CIT: variants seen among roughly 807,000 people sequenced by gnomAD.
CIT encodes the protein citron rho-interacting serine/threonine kinase, also known as citron Rho-interacting kinase.
A neutral mutation model predicts 272.7 loss-of-function variants in CIT; 79 were observed. The ratio of observed to expected loss-of-function variants is 0.29; its 90% CI spans 0.24 to 0.35. CIT has a LOEUF of 0.35. Ranked by LOEUF, CIT falls within the 10% of genes least tolerant of loss-of-function variation. The probability of loss-of-function intolerance (pLI) is 1.00; values close to 1 mark genes in which losing one functional copy is unlikely to be tolerated. For missense variants in CIT, 1,909 were observed against 2,618.3 expected, an observed-to-expected ratio of 0.73 and a Z score of 5.91; for synonymous variants, 948 against 995.6, an observed-to-expected ratio of 0.95 and a Z score of 0.90.
chr12:119,844,426 G>C (rs1969648326), intron 5 of CIT, among the ~76,000 whole-genome samples: 1 of 152,012 alleles, frequency 6.6e-6, no homozygotes, highest in Admixed American at 6.6e-5. Context: ...TCACACTAAA[G>C]GGAATGAATA....
intron 19 of CIT, among the ~76,000 whole-genome samples, chr12:119,765,469 C>CTTT (rs34623472): frequency 9.5e-5 from 11 of 115,450 alleles, no homozygotes; most frequent in African/African-American, 1.7e-4. Flanking sequence ...AAGAAACAGA[C>CTTT]TTTTTTTTTT....
intron 5 of CIT, among the ~76,000 whole-genome samples, chr12:119,845,119 C>CA (rs200429696): frequency 0.033 from 5,013 of 151,248 alleles, 273 homozygotes; most frequent in African/African-American, 0.11. Flanking sequence ...GACTCTATCT[C>CA]AAAAAAAATA....
chr12:119,866,046 C>A (rs1950505823), intron 3 of CIT, among the ~76,000 whole-genome samples: 1 of 152,058 alleles, frequency 6.6e-6, no homozygotes, highest in Non-Finnish European at 1.5e-5. Flanking sequence ...TCCTGGTAAT[C>A]ACACTGCCCT....
In CIT at chr12:119,804,525, T is replaced by A. The variant is rs1966481994; in HGVS notation, c.1112-1136A>T. ...AGCATGAGTCACTGCCCGCCAGGGC[T>A]CGCTAGAGCTCCCCCTAGGACAGTT... is the stretch of plus-strand genomic sequence containing the variant. On this transcript the variant is annotated intron_variant, in intron 9 of 47. Coordinates refer to ENST00000392521, the MANE Select transcript of CIT (RefSeq NM_001206999.2). The surrounding 1 kb of genome is among the most constrained non-coding windows in gnomAD (Gnocchi z 5.3). 1 of 975,928 alleles carries A rather than the reference T, an allele frequency of 1.0e-6. No individual in the cohort carries two copies. Among genetic ancestry groups the A allele is most frequent in the Non-Finnish European group, 1.2e-6 (1 of 821,340 alleles). 60.5% of individuals were successfully genotyped at this position (975,928 alleles called of 1,614,324 possible).
chr12:119,870,549 CAAAAAAA>C (rs57894300), intron 2 of CIT, among the ~76,000 whole-genome samples: 29 of 52,414 alleles, frequency 5.5e-4, no homozygotes, highest in African/African-American at 1.9e-3. Flanking sequence ...GACTCCCTCT[CAAAAAAA>C]AAAAAAAAAA....
intron 4 of CIT, 54 bp from the exon 5 acceptor site, chr12:119,850,329 GAA>G: frequency 5.4e-6 from 6 of 1,111,512 alleles, no homozygotes; most frequent in Non-Finnish European, 7.8e-6. Context: ...AGAGGAAAAA[GAA>G]GCCTTTTCCT....
chr12:119,712,660 G>A lies in CIT; in HGVS notation c.4615C>T (p.Leu1539Phe), dbSNP rs1179073769. 1.2e-6 allele frequency: 2 copies of A among 1,614,044 alleles called. No homozygotes were observed. Among genetic ancestry groups the A allele is most frequent in the African/African-American group, 2.7e-5 (2 of 74,922 alleles). The part of the protein sequence containing the change: ...QRPVEEFELC[L>F]PDGDVSIHGA... ...TGAATAGATACATCCCCGTCGGGAA[G>A]GCACAGCTCAAATTCTTCCACCGGC... is the stretch of plus-strand genomic sequence containing the variant. Residue 1539 changes from leucine (L) to phenylalanine (F), a missense_variant, in exon 36 of 48, where the codon CTT becomes TTT. Transcript: ENST00000392521. The surrounding 1 kb of genome is among the most constrained non-coding windows in gnomAD (Gnocchi z 5.2).
At chr12:119,731,171 T>C (rs1958416799) in intron 26 of CIT, among the ~76,000 whole-genome samples, 1 of 151,704 alleles carries the variant, frequency 6.6e-6, no homozygotes, top group East Asian at 2.0e-4. Context: ...TTTTGGGTAC[T>C]CATCAAGAAA....
intron 19 of CIT, among the ~76,000 whole-genome samples, chr12:119,765,433 A>C (rs918124800): frequency 7.0e-6 from 1 of 142,888 alleles, no homozygotes; most frequent in African/African-American, 2.7e-5. Context: ...AGCCCAGTAA[A>C]TCTTAAGCAG....
chr12:119,873,980 G>A (rs2138431179), intron 2 of CIT, among the ~76,000 whole-genome samples: 1 of 152,210 alleles, frequency 6.6e-6, no homozygotes, highest in African/African-American at 2.4e-5. Flanking sequence ...GGTGCTAAGT[G>A]CTTTAAATCG....
In CIT at chr12:119,719,006, G is replaced by T. The variant is rs73215362; in HGVS notation, c.3841-145C>A. ...TATTTAGTAAAAATGGCATGTGAAG[G>T]GGGGGAAGGGTAGGCTGAGCCACAG... On this transcript the variant is annotated intron_variant, in intron 30 of 47. Coordinates refer to ENST00000392521, the MANE Select transcript of CIT (RefSeq NM_001206999.2). 749 of 789,178 alleles carry T rather than the reference G, an allele frequency of 9.5e-4. 5 individuals are homozygous for T. Among genetic ancestry groups the T allele is most frequent in the Non-Finnish European group, 1.2e-3 (611 of 501,970 alleles). The allele number at this position is 789,178 out of a possible 1,614,324, so 48.9% of individuals were successfully genotyped here.
chr12:119,857,665 TGGA>T lies in CIT; in HGVS notation c.269_271del (p.Leu90del). Reference sequence around the variant, plus strand: ...GACTTCGAAGTCCTTTGCCGAAGGCTGGAGCTCCTGTAACTCAGCTATGGTGTC... The same window carrying T: ...GACTTCGAAGTCCTTTGCCGAAGGCTGCTCCTGTAACTCAGCTATGGTGTC... On this transcript the variant is annotated inframe_deletion, in exon 4 of 48. Transcript: ENST00000392521. The T allele has an allele frequency of 6.2e-7, 1 of 1,614,126 alleles. No individual in the cohort carries two copies. Among genetic ancestry groups the T allele is most frequent in the Non-Finnish European group, 8.5e-7 (1 of 1,180,028 alleles).
In CIT at chr12:119,766,891, GT is replaced by G. The variant is rs1372510083; in HGVS notation, c.2304+195del. 6.0e-3 allele frequency among the ~76,000 whole-genome samples: 877 copies of G among 146,168 alleles called. 8 individuals carry two copies. The highest frequency in any genetic ancestry group is 0.021 in the African/African-American group (838 of 39,856). ...TGACCACATTTAAAAAAAAAAAAAGGTTTTTTTTTTGGAACTTCAGATTTCC... is the reference window on the plus strand; with the variant it reads ...TGACCACATTTAAAAAAAAAAAAAGGTTTTTTTTTGGAACTTCAGATTTCC... On this transcript the variant is annotated intron_variant, in intron 19 of 47. Coordinates refer to ENST00000392521, the MANE Select transcript of CIT (RefSeq NM_001206999.2).
At position 119,812,191 on chromosome 12, in the gene CIT, G is replaced by A. The variant is rs1039647970; in HGVS notation, c.1112-8802C>T. On this transcript the variant is annotated intron_variant, in intron 9 of 47. Coordinates refer to ENST00000392521, the MANE Select transcript of CIT (RefSeq NM_001206999.2). ...TCGAACTTCTGACCTCAAGTGATCC[G>A]TCCGCCTTGGCCTCCCAAAGTGCTG... Among the ~76,000 whole-genome samples the A allele has an allele frequency of 1.1e-4, 16 of 151,518 alleles. No individual in the cohort carries two copies. The East Asian group carries it at 1.2e-3, about 11-fold the overall frequency.
At chr12:119,716,892 G>A (rs1173768935) in intron 32 of CIT, among the ~76,000 whole-genome samples, 7 of 152,168 alleles carry the variant, frequency 4.6e-5, no homozygotes, top group Admixed American at 1.3e-4. Context: ...CTCACACCAC[G>A]GAATACTGTG....
rs1962912432 is a variant in CIT at position 119,770,007 on chromosome 12, G to A, written c.2208+778C>T. On this transcript the variant is annotated intron_variant, in intron 18 of 47. Transcript: ENST00000392521. The surrounding 1 kb of genome is among the most constrained non-coding windows in gnomAD (Gnocchi z 4.4). The stretch of plus-strand genomic sequence containing the variant: ...CAATGACTTCAGAGACTCTCTCCCA[G>A]GTGGGATAGGAATGGACTCCAAGTC... Among the ~76,000 whole-genome samples, 1 of 152,150 alleles carries A rather than the reference G, an allele frequency of 6.6e-6. No individual in the cohort carries two copies. Among genetic ancestry groups the A allele is most frequent in the Non-Finnish European group, 1.5e-5 (1 of 68,020 alleles).
At chr12:119,749,607 A>C (rs1476577509) in intron 23 of CIT, among the ~76,000 whole-genome samples, 1 of 152,210 alleles carries the variant, frequency 6.6e-6, no homozygotes, top group African/African-American at 2.4e-5. Context: ...GTTTGCAAAC[A>C]GCTGTTGGAG....
At chr12:119,729,301 G>A (rs1177063093) in intron 27 of CIT, among the ~76,000 whole-genome samples, 3 of 152,142 alleles carry the variant, frequency 2.0e-5, no homozygotes, top group Non-Finnish European at 4.4e-5. Context: ...CCTGACTAGA[G>A]AGCTCTGGCC....
chr12:119,775,940 T>G, intron 15 of CIT, 101 bp from the exon 16 acceptor site: 1 of 927,692 alleles, frequency 1.1e-6, no homozygotes, highest in Non-Finnish European at 1.6e-6. Flanking sequence ...TATGGGGTCT[T>G]TTTCTTTGGG....
Sources: gnomAD v4.1 joint callset for allele counts (sites outside exome capture counted in the v4.1 genomes callset) on GRCh38, gnomAD v4.1.1 for gene constraint, Gnocchi (gnomAD v3.1) non-coding constraint, MANE v1.5 for transcripts, NCBI Gene and HGNC (gene_info 2026-07-23, HGNC 2026-07-21) for gene names.